Variants in PRKN observed in about 807,000 individuals in gnomAD.
The protein encoded by PRKN is E3 ubiquitin-protein ligase parkin.
In PRKN, 56 loss-of-function variants were observed where a neutral mutation model predicts 59.5. That is an observed-to-expected ratio of 0.94 (90% CI 0.76 to 1.18). The LOEUF is 1.18. Among genes scored for constraint, PRKN ranks in the 50% most tolerant of loss-of-function variants. PRKN has a pLI of 0.00. For synonymous variants in PRKN, 250 were observed against 222.1 expected (o/e 1.13, Z -1.12); for missense variants, 657 against 596.4 (o/e 1.10, Z -1.06).
rs1412796125 is a variant in PRKN, at chr6:161,388,919, T to G, written c.1084-2042A>C. ...TATTTGAAATCATTAAAGTTTAGGGTGGTTTTTACACAGCAATAAATAACT... is the reference window on the plus strand; with the variant it reads ...TATTTGAAATCATTAAAGTTTAGGGGGGTTTTTACACAGCAATAAATAACT... On this transcript the variant is annotated intron_variant, in intron 9 of 11. Coordinates refer to ENST00000366898, the MANE Select transcript of PRKN (RefSeq NM_004562.3). This position sits in a 1 kb window ranked among gnomAD's most constrained non-coding sequence, Gnocchi z 4.3. Among the ~76,000 whole-genome samples the G allele has an allele frequency of 2.6e-5, 4 of 152,192 alleles. No homozygotes were observed. The highest frequency in any genetic ancestry group is 9.7e-5 in the African/African-American group (4 of 41,442).
intron 7 of PRKN, among the ~76,000 whole-genome samples, chr6:161,661,728 T>C (rs918291772): frequency 1.3e-5 from 2 of 152,202 alleles, no homozygotes; most frequent in African/African-American, 4.8e-5. Context: ...TGAATAAATG[T>C]GTGGTACAAG....
At chr6:161,612,258 A>G (rs951338292) in intron 7 of PRKN, among the ~76,000 whole-genome samples, 5 of 152,236 alleles carry the variant, frequency 3.3e-5, no homozygotes, top group Non-Finnish European at 4.4e-5. Context: ...CAGGTTTTCA[A>G]TGTAGATGAA....
chr6:162,563,695 A>ATT (rs1421951821), intron 1 of PRKN, among the ~76,000 whole-genome samples: 3 of 152,240 alleles, frequency 2.0e-5, no homozygotes, highest in African/African-American at 7.2e-5. Flanking sequence ...CCAATCCTGG[A>ATT]TAAATAGAGC....
At position 162,264,291 on chromosome 6, in the gene PRKN, T is replaced by A. The variant is rs191771851; in HGVS notation, c.172-1526A>T. Reference sequence around the variant, plus strand: ...GAGACTCTGTCTCAAAAAATAAAATTAAATTAAATTAAATACAAATAAACC... The same window carrying A: ...GAGACTCTGTCTCAAAAAATAAAATAAAATTAAATTAAATACAAATAAACC... On this transcript the variant is annotated intron_variant, in intron 2 of 11. Transcript: ENST00000366898. Among the ~76,000 whole-genome samples the A allele has an allele frequency of 7.3e-3, 1,107 of 151,978 alleles. 10 individuals are homozygous for A. Among genetic ancestry groups the A allele is most frequent in the African/African-American group, 0.013 (553 of 41,448 alleles).
intron 7 of PRKN, among the ~76,000 whole-genome samples, chr6:161,739,621 C>T (rs1788107684): frequency 6.6e-6 from 1 of 152,186 alleles, no homozygotes; most frequent in African/African-American, 2.4e-5. Context: ...CTTTTCCAAA[C>T]TGCTACACTT....
At chr6:162,279,603 A>C (rs979204464) in intron 2 of PRKN, among the ~76,000 whole-genome samples, 3 of 152,068 alleles carry the variant, frequency 2.0e-5, no homozygotes, top group Admixed American at 6.6e-5. Flanking sequence ...TTTACTTCCA[A>C]TTATGTGGTC....
intron 2 of PRKN, among the ~76,000 whole-genome samples, chr6:162,295,409 A>G (rs944470485): frequency 6.6e-6 from 1 of 152,134 alleles, no homozygotes; most frequent in Non-Finnish European, 1.5e-5. Context: ...ATTTACACAA[A>G]AGGCCTGACA....
In PRKN at chr6:161,550,383, C is replaced by T. The variant is rs745751063; in HGVS notation, c.934-1380G>A. ...CATAATTTGACTAATATTTTAAAGA[C>T]ATCCACCTGGCTGCTATGTTCGGAA... On this transcript the variant is annotated intron_variant, in intron 8 of 11. Coordinates refer to ENST00000366898, the MANE Select transcript of PRKN (RefSeq NM_004562.3). The surrounding 1 kb of genome is among the most constrained non-coding windows in gnomAD (Gnocchi z 4.0). Among the ~76,000 whole-genome samples, 5 of 152,176 alleles carry T rather than the reference C, an allele frequency of 3.3e-5. No individual in the cohort carries two copies. The highest frequency in any genetic ancestry group is 5.9e-5 in the Non-Finnish European group (4 of 68,032).
intron 1 of PRKN, among the ~76,000 whole-genome samples, chr6:162,513,056 C>G (rs913352319): frequency 7.9e-5 from 12 of 152,076 alleles, no homozygotes; most frequent in African/African-American, 2.9e-4. Flanking sequence ...GCTCACTAAC[C>G]ATTGAAGATG....
At chr6:161,605,087 T>C (rs1444014428) in intron 7 of PRKN, among the ~76,000 whole-genome samples, 4 of 152,244 alleles carry the variant, frequency 2.6e-5, no homozygotes, top group Non-Finnish European at 1.5e-5. Context: ...TTTTATTCTA[T>C]ATTTTAGAGA....
In PRKN at chr6:161,960,133, C is replaced by A. The variant is rs151099280; in HGVS notation, c.734+13169G>T. On this transcript the variant is annotated intron_variant, in intron 6 of 11. Coordinates refer to ENST00000366898, the MANE Select transcript of PRKN (RefSeq NM_004562.3). Reference sequence around the variant, plus strand: ...GGAGGGCTGTGCTAACTTGGCTCCCCGCTTTGGTGCCACCACACTGGAAAA... The same window carrying A: ...GGAGGGCTGTGCTAACTTGGCTCCCAGCTTTGGTGCCACCACACTGGAAAA... 4.2e-3 allele frequency among the ~76,000 whole-genome samples: 636 copies of A among 152,288 alleles called. 4 individuals carry two copies. The highest frequency in any genetic ancestry group is 0.014 in the African/African-American group (601 of 41,562).
At chr6:161,902,166 G>A (rs1400564382) in intron 6 of PRKN, among the ~76,000 whole-genome samples, 1 of 152,060 alleles carries the variant, frequency 6.6e-6, no homozygotes, top group Non-Finnish European at 1.5e-5. Flanking sequence ...ACCCTGGCTG[G>A]GCTTATGCTG....
chr6:162,480,850 G>A (rs917553743), intron 1 of PRKN, among the ~76,000 whole-genome samples: 1 of 152,002 alleles, frequency 6.6e-6, no homozygotes, highest in African/African-American at 2.4e-5. Context: ...CTGTCACCCA[G>A]CCTGGAGCGC....
intron 10 of PRKN, among the ~76,000 whole-genome samples, chr6:161,384,624 T>C (rs1476855618): frequency 6.6e-6 from 1 of 152,238 alleles, no homozygotes; most frequent in African/African-American, 2.4e-5. Flanking sequence ...GTGCAGCAGA[T>C]GTCATCTTGG....
At chr6:162,579,441 C>T (rs760358003) in intron 1 of PRKN, among the ~76,000 whole-genome samples, 4 of 152,080 alleles carry the variant, frequency 2.6e-5, no homozygotes, top group Non-Finnish European at 5.9e-5. Context: ...CACATTCACA[C>T]ACAGAAATTG....
Position 161,518,046 on chromosome 6 carries a change from A to G in PRKN, c.1083+30808T>C, listed in dbSNP as rs1267152174. On this transcript the variant is annotated intron_variant, in intron 9 of 11. Coordinates refer to ENST00000366898, the MANE Select transcript of PRKN (RefSeq NM_004562.3). The surrounding 1 kb of genome is among the most constrained non-coding windows in gnomAD (Gnocchi z 5.0). ...CAGAAGTTGGCTGCACAGTGGCTTC[A>G]AGCTGGAGGGAGATTTGGCTTCTAT... is the stretch of plus-strand genomic sequence containing the variant. Among the ~76,000 whole-genome samples, 1 of 152,194 alleles carries G rather than the reference A, an allele frequency of 6.6e-6. No homozygotes were observed. Among genetic ancestry groups the G allele is most frequent in the Non-Finnish European group, 1.5e-5 (1 of 68,034 alleles).
chr6:162,433,920 C>T (rs983879469), intron 2 of PRKN, among the ~76,000 whole-genome samples: 4 of 152,144 alleles, frequency 2.6e-5, no homozygotes, highest in African/African-American at 9.7e-5. Flanking sequence ...TTCCTCATTT[C>T]TCCCTCTAAT....
intron 1 of PRKN, among the ~76,000 whole-genome samples, chr6:162,463,650 G>A (rs1791276950): frequency 6.6e-6 from 1 of 152,174 alleles, no homozygotes; most frequent in South Asian, 2.1e-4. Flanking sequence ...CTACTGCTAT[G>A]GGGCAAGTAA....
At chr6:161,683,793 A>C (rs938326117) in intron 7 of PRKN, among the ~76,000 whole-genome samples, 4 of 152,200 alleles carry the variant, frequency 2.6e-5, no homozygotes, top group African/African-American at 9.7e-5. Context: ...GGGCATTATA[A>C]GACAGGGATA....
Sources: allele counts gnomAD v4.1 joint callset (sites outside exome capture counted in the v4.1 genomes callset), GRCh38; gene constraint gnomAD v4.1.1; non-coding constraint Gnocchi (gnomAD v3.1); transcripts MANE v1.5; gene names NCBI Gene and HGNC (gene_info 2026-07-23, HGNC 2026-07-21).